MTUS1: variants seen among roughly 807,000 people sequenced by gnomAD.
MTUS1 encodes the protein microtubule-associated tumor suppressor 1.
A neutral mutation model predicts 120.8 loss-of-function variants in MTUS1; 109 were observed. The ratio of observed to expected loss-of-function variants is 0.90; its 90% CI spans 0.77 to 1.06. The LOEUF (loss-of-function observed/expected upper bound fraction) is 1.06, where lower values mean the gene tolerates loss of function less well. Ranked by LOEUF, MTUS1 falls within the 50% of genes least tolerant of loss-of-function variation. The pLI is 0.00. For synonymous variants in MTUS1, 737 were observed against 550.5 expected (o/e 1.34, Z -4.74); for missense variants, 2,210 against 1,486.3 (o/e 1.49, Z -8.01).
At chr8:17,790,953 T>G (rs1035460374) in intron 1 of MTUS1, among the ~76,000 whole-genome samples, 2 of 151,986 alleles carry the variant, frequency 1.3e-5, no homozygotes, top group African/African-American at 4.8e-5. Context: ...ACCACTGCAC[T>G]CCAACCTGGG....
At chr8:17,703,357 G>C (rs1202823342) in intron 6 of MTUS1, among the ~76,000 whole-genome samples, 1 of 152,096 alleles carries the variant, frequency 6.6e-6, no homozygotes, top group Non-Finnish European at 1.5e-5. Context: ...AGCTTGGCCG[G>C]GTGCGGTGGC....
At chr8:17,677,034 A>G (rs1813272057) in intron 7 of MTUS1, among the ~76,000 whole-genome samples, 1 of 152,182 alleles carries the variant, frequency 6.6e-6, no homozygotes, top group Non-Finnish European at 1.5e-5. Flanking sequence ...TTTAAGACCC[A>G]CTTTTCACTG....
rs1270322558 is a variant in MTUS1 at position 17,743,724 on chromosome 8, C to G, written c.2167G>C (p.Ala723Pro). ...KPDSCGLRQI[A>P]APKAKVGPPV... ...GGCCCCACTTTGGCTTTTGGAGCAG[C>G]TATTTGCCTCAAACCGCAGGAGTCA... Residue 723 changes from alanine to proline, a missense_variant, in exon 3 of 15, where the codon GCT becomes CCT. Physicochemically the swap from Ala to Pro is conservative, Grantham distance 27. Transcript: ENST00000693296. The G allele has an allele frequency of 1.9e-6, 3 of 1,614,056 alleles. No homozygotes were observed. The highest frequency in any genetic ancestry group is 2.5e-6 in the Non-Finnish European group (3 of 1,180,046).
At chr8:17,709,873 G>A (rs146916692) in intron 6 of MTUS1, among the ~76,000 whole-genome samples, 3,451 of 152,006 alleles carry the variant, frequency 0.023, 70 homozygotes, top group Non-Finnish European at 0.03. Context: ...CGGGCATGGT[G>A]GCGAGCACCT....
intron 1 of MTUS1, among the ~76,000 whole-genome samples, chr8:17,761,154 T>C (rs182169521): frequency 2.0e-5 from 3 of 152,234 alleles, no homozygotes; most frequent in Admixed American, 6.5e-5. Flanking sequence ...GATTAAAAAT[T>C]AGTAAATATG....
chr8:17,753,732 A>G lies in MTUS1; in HGVS notation c.2076T>C (p.Tyr692=). 1 of 1,601,318 alleles carries G rather than the reference A, an allele frequency of 6.2e-7. No homozygotes were observed. The highest frequency in any genetic ancestry group is 8.5e-7 in the Non-Finnish European group (1 of 1,175,956). ...KQEIMNETFE[Y]GSLFLGSASK... ...TATTACTTACCAAAAACAGAGAACC[A>G]TATTCAAAAGTCTCATTCATAATCT... The change falls in exon 2 of 15, where the codon TAT becomes TAC. Residue 692 remains tyrosine, a synonymous_variant. Coordinates refer to ENST00000693296, the MANE Select transcript of MTUS1 (RefSeq NM_001363059.2).
At chr8:17,730,135 G>C (rs1050210655) in intron 3 of MTUS1, among the ~76,000 whole-genome samples, 1 of 152,178 alleles carries the variant, frequency 6.6e-6, no homozygotes, top group Non-Finnish European at 1.5e-5. Flanking sequence ...AATTAAACCT[G>C]AAGTTACCAT....
At chr8:17,739,018 C>T (rs907234573) in intron 3 of MTUS1, among the ~76,000 whole-genome samples, 4 of 151,796 alleles carry the variant, frequency 2.6e-5, no homozygotes, top group Non-Finnish European at 5.9e-5. Context: ...TGACACACAT[C>T]TGTGATACCA....
chr8:17,657,058 C>CAAA (rs1219286349), intron 8 of MTUS1, among the ~76,000 whole-genome samples: 36 of 56,618 alleles, frequency 6.4e-4, no homozygotes, highest in South Asian at 1.7e-3. Context: ...GATTCTGTCT[C>CAAA]AAAAAAAAAA....
chr8:17,690,052 A>C (rs1816645708), intron 6 of MTUS1, among the ~76,000 whole-genome samples: 1 of 152,250 alleles, frequency 6.6e-6, no homozygotes, highest in Non-Finnish European at 1.5e-5. Context: ...AAGGTTCTGC[A>C]CAGTAAAAGA....
intron 8 of MTUS1, among the ~76,000 whole-genome samples, chr8:17,662,617 G>T (rs1402665470): frequency 6.6e-6 from 1 of 151,952 alleles, no homozygotes; most frequent in Admixed American, 6.6e-5. Context: ...GCATCCCAAA[G>T]TGCTGGAATT....
intron 1 of MTUS1, among the ~76,000 whole-genome samples, chr8:17,759,071 T>C (rs1968042): frequency 0.23 from 34,971 of 151,380 alleles, 4,971 homozygotes; most frequent in South Asian, 0.58. Flanking sequence ...TTAGTAGAGA[T>C]GGTGTTCCAC....
At chr8:17,708,901 G>A (rs1365723600) in intron 6 of MTUS1, 6 of 152,192 alleles carry the variant, frequency 3.9e-5, no homozygotes, top group Non-Finnish European at 7.3e-5. Context: ...ACTTTCGGAG[G>A]CCGAGGCGGG....
chr8:17,698,642 C>A (rs1818441094), intron 6 of MTUS1, among the ~76,000 whole-genome samples: 2 of 152,200 alleles, frequency 1.3e-5, no homozygotes, highest in South Asian at 4.1e-4. Context: ...GGAAGCAGTT[C>A]TTTTAGAAAT....
chr8:17,740,151 T>C (rs1345652119), intron 3 of MTUS1, among the ~76,000 whole-genome samples: 1 of 151,496 alleles, frequency 6.6e-6, no homozygotes, highest in East Asian at 1.9e-4. Flanking sequence ...GAGGTTGCAG[T>C]GATCCGAGAT....
At chr8:17,728,116 G>A (rs2046335667) in intron 3 of MTUS1, among the ~76,000 whole-genome samples, 1 of 152,148 alleles carries the variant, frequency 6.6e-6, no homozygotes. Context: ...AAAACAAAAT[G>A]GTAGAATGGC....
rs186256645 is a variant in MTUS1 at position 17,745,029 on chromosome 8, C to A, written c.2092-1230G>T. Reference sequence around the variant, plus strand: ...AACACCTAGGCACATGTTCTGAGGACCTCTTGAGGATGTGTCATCAGCCAT... The same window carrying A: ...AACACCTAGGCACATGTTCTGAGGAACTCTTGAGGATGTGTCATCAGCCAT... On this transcript the variant is annotated intron_variant, in intron 2 of 14. Coordinates refer to ENST00000693296, the MANE Select transcript of MTUS1 (RefSeq NM_001363059.2). Among the ~76,000 whole-genome samples, 26 of 152,230 alleles carry A rather than the reference C, an allele frequency of 1.7e-4. No homozygotes were observed. The East Asian group carries it at 4.8e-3, about 28-fold the overall frequency.
intron 6 of MTUS1, among the ~76,000 whole-genome samples, chr8:17,696,248 A>T (rs1329422158): frequency 6.6e-6 from 1 of 152,134 alleles, no homozygotes; most frequent in African/African-American, 2.4e-5. Context: ...GTTATGAAAC[A>T]CGAGAGAGAG....
Position 17,715,905 on chromosome 8 carries a change from T to C in MTUS1, c.2450-4A>G, listed in dbSNP as rs375332834. The stretch of plus-strand genomic sequence containing the variant: ...TTGATGACAGCGGCATTACCAGCTG[T>C]AATAAAACAGAAAAGTACATTTTAT... On this transcript the variant is annotated splice_polypyrimidine_tract_variant and splice_region_variant and intron_variant, in intron 4 of 14. Coordinates refer to ENST00000693296, the MANE Select transcript of MTUS1 (RefSeq NM_001363059.2). 8.7e-6 allele frequency: 14 copies of C among 1,606,376 alleles called. No individual in the cohort carries two copies. Among genetic ancestry groups the C allele is most frequent in the Admixed American group, 1.7e-5 (1 of 57,588 alleles).
Sources: allele counts gnomAD v4.1 joint callset (sites outside exome capture counted in the v4.1 genomes callset), GRCh38; gene constraint gnomAD v4.1.1; transcripts MANE v1.5; gene names NCBI Gene and HGNC (gene_info 2026-07-23, HGNC 2026-07-21).